Variants in VIRMA observed in about 807,000 individuals in gnomAD.
The protein encoded by VIRMA is protein virilizer homolog.
Under a neutral mutation model 182.4 loss-of-function variants are expected in VIRMA, and 65 were observed. That is an observed-to-expected ratio of 0.36 (90% CI 0.29 to 0.44). VIRMA has a LOEUF of 0.44. Among genes scored for constraint, VIRMA ranks in the 20% least tolerant of loss-of-function variants. The probability of loss-of-function intolerance (pLI) is 1.00; values close to 1 mark genes in which losing one functional copy is unlikely to be tolerated. For synonymous variants in VIRMA, 709 were observed against 743.1 expected (o/e 0.95, Z 0.75); for missense variants, 1,752 against 2,158.1 (o/e 0.81, Z 3.73).
At chr8:94,550,575 A>C (rs2130405233) in intron 1 of VIRMA, among the ~76,000 whole-genome samples, 1 of 152,332 alleles carries the variant, frequency 6.6e-6, no homozygotes, top group East Asian at 1.9e-4. Context: ...TACAGGCATG[A>C]GCCACGGCGC....
rs963429701 is a variant in VIRMA, at chr8:94,540,461, CTT to C, written c.180-2117_180-2116del. 7.8e-5 allele frequency among the ~76,000 whole-genome samples: 10 copies of C among 128,624 alleles called. No individual in the cohort carries two copies. The East Asian group carries it at 1.1e-3, about 14-fold the overall frequency. The allele number at this position is 128,624 out of a possible 152,430, so 84.4% of individuals were successfully genotyped here. A position where few individuals can be genotyped will look rare whatever the true frequency, so the allele number is the denominator to read the frequency against. ...GCCCTTCTTTACTTTTTCTTCTTTT[CTT>C]TTTTTTTTTTTTTTTTTTGAGACGG... On this transcript the variant is annotated intron_variant, in intron 2 of 23. Transcript: ENST00000297591.
chr8:94,524,001 G>GCTTA (rs1554556950), intron 8 of VIRMA, among the ~76,000 whole-genome samples: 2 of 150,208 alleles, frequency 1.3e-5, no homozygotes, highest in Non-Finnish European at 3.0e-5. Context: ...TTTGTTACTT[G>GCTTA]TTTATTTATT....
Position 94,490,025 on chromosome 8 carries a change from G to A in VIRMA, c.5198C>T (p.Pro1733Leu). The A allele has an allele frequency of 6.2e-7, 1 of 1,614,164 alleles. No homozygotes were observed. Among genetic ancestry groups the A allele is most frequent in the Non-Finnish European group, 8.5e-7 (1 of 1,180,022 alleles). ...RGSSWSAQNT[P>L]RGNYNESRGG... ...ACGACTTTCATTGTAATTTCCTCGA[G>A]GAGTATTCTGAGCACTCCAACTGGA... Residue 1733 changes from proline to leucine, a missense_variant, in exon 23 of 24, where the codon CCT (proline) becomes CTT (leucine). This residue lies in a region of VIRMA where 132 missense variants were observed against 173.8 expected (regional missense o/e 0.76). Transcript: ENST00000297591.
rs771858740 is a variant in VIRMA at position 94,488,693 on chromosome 8, C to A, written c.*13G>T. The A allele has an allele frequency of 6.5e-5, 105 of 1,613,448 alleles. No homozygotes were observed. Among genetic ancestry groups the A allele is most frequent in the Non-Finnish European group, 2.5e-6 (3 of 1,179,680 alleles). Reference sequence around the variant, plus strand: ...AATGTTCATATACAGTTAAGATGTTCCCAAAAGGATTTTTATCGTGTAAAG... The same window carrying A: ...AATGTTCATATACAGTTAAGATGTTACCAAAAGGATTTTTATCGTGTAAAG... On this transcript the variant is annotated 3_prime_UTR_variant, in exon 24 of 24. Transcript: ENST00000297591.
chr8:94,494,757 A>C, intron 20 of VIRMA, 103 bp downstream of exon 20: 1 of 699,694 alleles, frequency 1.4e-6, no homozygotes, highest in Non-Finnish European at 2.4e-6. Context: ...TTCCAAGTAG[A>C]CTTTAACAGC....
At chr8:94,494,794 C>G in intron 20 of VIRMA, 66 bp downstream of exon 20, 2 of 956,282 alleles carry the variant, frequency 2.1e-6, no homozygotes, top group Non-Finnish European at 3.2e-6. Context: ...TATTATAATG[C>G]TAACAATATA....
At chr8:94,536,100 T>G (rs796405774) in intron 4 of VIRMA, among the ~76,000 whole-genome samples, 1 of 152,188 alleles carries the variant, frequency 6.6e-6, no homozygotes, top group South Asian at 2.1e-4. Flanking sequence ...GACAAAGTTC[T>G]AAGTGTTACC....
chr8:94,529,797 A>C (rs566341750), intron 6 of VIRMA, among the ~76,000 whole-genome samples: 1 of 151,850 alleles, frequency 6.6e-6, no homozygotes, highest in East Asian at 1.9e-4. Context: ...GTAACACCAC[A>C]CCCGGCTAAT....
chr8:94,492,551 C>T (rs1032884971), intron 21 of VIRMA, 101 bp downstream of exon 21: 13 of 951,314 alleles, frequency 1.4e-5, no homozygotes, highest in South Asian at 1.9e-5. Context: ...GGATTACAGG[C>T]GTGAGCCACC....
At chr8:94,507,280 A>C (rs10102090) in intron 15 of VIRMA, among the ~76,000 whole-genome samples, 113,753 of 151,064 alleles carry the variant, frequency 0.75, 44,103 homozygotes, top group African/African-American at 0.93. Context: ...GGATTATAGG[A>C]ATGCAGCACC....
rs560369632 is a variant in VIRMA at position 94,494,452 on chromosome 8, C to T, written c.4641+408G>A. On this transcript the variant is annotated intron_variant, in intron 20 of 23. Coordinates refer to ENST00000297591, the MANE Select transcript of VIRMA (RefSeq NM_015496.5). The stretch of plus-strand genomic sequence containing the variant: ...TAAAAATACAAAAAAATTAGCCAGG[C>T]GTGGTGGCACAGGCCTGTAATCCCA... Among the ~76,000 whole-genome samples, 95 of 151,570 alleles carry T rather than the reference C, an allele frequency of 6.3e-4. 1 individual carries two copies. Among genetic ancestry groups the T allele is most frequent in the African/African-American group, 2.2e-3 (91 of 41,332 alleles).
At chr8:94,509,640 A>G (rs772187274) in intron 15 of VIRMA, 48 bp downstream of exon 15, 2 of 1,544,014 alleles carry the variant, frequency 1.3e-6, no homozygotes, top group Admixed American at 2.0e-5. Context: ...ACACACACAC[A>G]CACACATACA....
chr8:94,530,658 T>G (rs923930771), intron 6 of VIRMA, among the ~76,000 whole-genome samples: 6 of 152,234 alleles, frequency 3.9e-5, no homozygotes, highest in Admixed American at 2.0e-4. Flanking sequence ...GGCTTATGCC[T>G]ATAATCCTAA....
At chr8:94,507,686 G>A (rs1368517816) in intron 15 of VIRMA, among the ~76,000 whole-genome samples, 9 of 151,718 alleles carry the variant, frequency 5.9e-5, no homozygotes, top group Non-Finnish European at 1.0e-4. Context: ...CCCAGGAGGC[G>A]GAGGTTGCAC....
At chr8:94,489,107 G>T (rs1303924559) in intron 23 of VIRMA, among the ~76,000 whole-genome samples, 2 of 152,054 alleles carry the variant, frequency 1.3e-5, no homozygotes, top group African/African-American at 2.4e-5. Flanking sequence ...GAAACCAAAA[G>T]CTACTTCTGA....
rs748972931 is a variant in VIRMA, at chr8:94,543,807, T to TA, written c.179+19dup. The TA allele has an allele frequency of 6.0e-6, 8 of 1,333,878 alleles. No individual in the cohort carries two copies. The highest frequency in any genetic ancestry group is 8.4e-6 in the Non-Finnish European group (8 of 947,014). The allele number at this position is 1,333,878 out of a possible 1,614,324, so 82.6% of individuals were successfully genotyped here. ...ACAATCTTTAACCAAAAAATACTTTTAAAAAGAGAGTTGACTTACCCATAT... is the reference window on the plus strand; with the variant it reads ...ACAATCTTTAACCAAAAAATACTTTTAAAAAAGAGAGTTGACTTACCCATAT... On this transcript the variant is annotated intron_variant, in intron 2 of 23. Transcript: ENST00000297591.
At chr8:94,507,237 G>A (rs1406736628) in intron 15 of VIRMA, among the ~76,000 whole-genome samples, 1 of 151,078 alleles carries the variant, frequency 6.6e-6, no homozygotes, top group Non-Finnish European at 1.5e-5. Context: ...CCAGGTTCAA[G>A]CAATTCTCCT....
At position 94,509,917 on chromosome 8, in the gene VIRMA, T is replaced by C. The variant is rs762921057; in HGVS notation, c.3650A>G (p.Gln1217Arg). The C allele has an allele frequency of 6.8e-6, 11 of 1,609,766 alleles. No individual in the cohort carries two copies. In the South Asian group the frequency reaches 1.0e-4, roughly 15 times the overall value. The change falls in exon 15 of 24, where the codon CAG (glutamine) becomes CGG (arginine). Residue 1217 changes from glutamine to arginine, a missense_variant. Coordinates refer to ENST00000297591, the MANE Select transcript of VIRMA (RefSeq NM_015496.5). ...LQSTSEDKEK[Q>R]YTSQTTRLLA... The stretch of plus-strand genomic sequence containing the variant: ...CAACCTGGTGGTTTGGCTAGTATAC[T>C]GTTTTTCTTTATCTTCTGAAGTGCT...
chr8:94,507,893 G>GTATATATATGTATATATATGTA (rs1563461459), intron 15 of VIRMA, among the ~76,000 whole-genome samples: 4 of 140,426 alleles, frequency 2.8e-5, no homozygotes, highest in African/African-American at 5.2e-5. Context: ...ATGTATATAT[G>GTATATATATGTATATATATGTA]TATATATATG....
Sources: allele counts gnomAD v4.1 joint callset (sites outside exome capture counted in the v4.1 genomes callset), GRCh38; gene constraint gnomAD v4.1.1; regional missense constraint gnomAD v4.1.1; transcripts MANE v1.5; gene names NCBI Gene and HGNC (gene_info 2026-07-23, HGNC 2026-07-21).